BMF: variants seen among roughly 807,000 people sequenced by gnomAD.
The protein encoded by BMF is Bcl2 modifying factor.
A neutral mutation model predicts 22.0 loss-of-function variants in BMF; 10 were observed. That is an observed-to-expected ratio of 0.45 (90% CI 0.28 to 0.77). BMF has a LOEUF of 0.77. Among genes scored for constraint, BMF ranks in the 30% least tolerant of loss-of-function variants. The probability of loss-of-function intolerance (pLI) is 0.13; values close to 1 mark genes in which losing one functional copy is unlikely to be tolerated. For missense variants in BMF, 206 were observed against 226.8 expected (o/e 0.91, Z 0.59); for synonymous variants, 87 against 88.1 (o/e 0.99, Z 0.07).
In BMF at chr15:40,088,406, C is replaced by T. The variant is rs1033054353; in HGVS notation, c.*3381G>A. On this transcript the variant is annotated 3_prime_UTR_variant, in exon 5 of 5. Coordinates refer to ENST00000354670, the MANE Select transcript of BMF (RefSeq NM_001003940.2). ...AGAGTCCTCACCTTCACACACAGAG[C>T]TGTTTCCAGCCCAGGCCAGCACTGA... The T allele has an allele frequency of 1.3e-5, 2 of 152,394 alleles. No individual in the cohort carries two copies. The highest frequency in any genetic ancestry group is 4.8e-5 in the African/African-American group (2 of 41,474). The allele number at this position is 152,394 out of a possible 1,614,324, so 9.4% of individuals were successfully genotyped here.
chr15:40,100,928 G>C (rs919721348), intron 4 of BMF, among the ~76,000 whole-genome samples: 3 of 152,134 alleles, frequency 2.0e-5, no homozygotes, highest in Non-Finnish European at 4.4e-5. Context: ...CAGGACTATG[G>C]ACCAGTGGCC....
intron 3 of BMF, among the ~76,000 whole-genome samples, chr15:40,104,880 C>T (rs1387471695): frequency 6.6e-6 from 1 of 152,202 alleles, no homozygotes; most frequent in East Asian, 1.9e-4. Context: ...ACAGAGCTGC[C>T]AAGTTGCTCT....
chr15:40,093,604 G>A lies in BMF; in HGVS notation c.454-1716C>T, dbSNP rs149573727. ...CTCCTCCCCTCCCCAGCTGCTGACC[G>A]AGACAGGTGCAGAGGTCATGTGGCC... On this transcript the variant is annotated intron_variant, in intron 4 of 4. Coordinates refer to ENST00000354670, the MANE Select transcript of BMF (RefSeq NM_001003940.2). Among the ~76,000 whole-genome samples the A allele has an allele frequency of 1.7e-3, 264 of 152,308 alleles. 1 individual carries two copies. The highest frequency in any genetic ancestry group is 2.5e-3 in the Admixed American group (39 of 15,306).
chr15:40,092,867 G>C (rs970325196), intron 4 of BMF, among the ~76,000 whole-genome samples: 2 of 152,034 alleles, frequency 1.3e-5, no homozygotes, highest in African/African-American at 2.4e-5. Context: ...CTGGGCGGGG[G>C]CCTCTCCACA....
rs1017433664 is a variant in BMF at position 40,090,865 on chromosome 15, C to G, written c.*922G>C. 3 of 152,304 alleles carry G rather than the reference C, an allele frequency of 2.0e-5. No individual in the cohort carries two copies. Among genetic ancestry groups the G allele is most frequent in the African/African-American group, 4.8e-5 (2 of 41,454 alleles). The allele number at this position is 152,304 out of a possible 1,614,324, so 9.4% of individuals were successfully genotyped here. A position where few individuals can be genotyped will look rare whatever the true frequency, so the allele number is the denominator to read the frequency against. On this transcript the variant is annotated 3_prime_UTR_variant, in exon 5 of 5. Transcript: ENST00000354670. ...TTCCGGCCCCACTGCAAACTTGCCCCCGATGTCCCTCAGTGCCGATGTTGG... is the reference window on the plus strand; with the variant it reads ...TTCCGGCCCCACTGCAAACTTGCCCGCGATGTCCCTCAGTGCCGATGTTGG...
At position 40,091,819 on chromosome 15, in the gene BMF, C is replaced by T; in HGVS notation, c.523G>A (p.Glu175Lys). 2 of 1,610,978 alleles carry T rather than the reference C, an allele frequency of 1.2e-6. No individual in the cohort carries two copies. Among genetic ancestry groups the T allele is most frequent in the Non-Finnish European group, 1.7e-6 (2 of 1,178,972 alleles). Reference protein sequence around the residue: ...LFLHNLALNGEENRNGAGPR With the variant: ...LFLHNLALNGKENRNGAGPR ...GGGCCTGCCCCGTTCCTGTTCTCTT[C>T]TCCATTCAAAGCAAGGTTGTGCAGG... The change falls in exon 5 of 5, where the codon GAA becomes AAA. Residue 175 changes from glutamate to lysine, a missense_variant. Transcript: ENST00000354670.
chr15:40,100,544 C>T (rs1291342790), intron 4 of BMF, among the ~76,000 whole-genome samples: 1 of 152,240 alleles, frequency 6.6e-6, no homozygotes, highest in Non-Finnish European at 1.5e-5. Flanking sequence ...CTCCAACTCT[C>T]TTGCTGCTTT....
At chr15:40,096,790 A>C (rs1208750251) in intron 4 of BMF, among the ~76,000 whole-genome samples, 3 of 152,242 alleles carry the variant, frequency 2.0e-5, no homozygotes, top group Non-Finnish European at 4.4e-5. Flanking sequence ...CCAGATCATT[A>C]ACTATTTAGT....
At chr15:40,098,873 G>C (rs528371032) in intron 4 of BMF, among the ~76,000 whole-genome samples, 1 of 152,318 alleles carries the variant, frequency 6.6e-6, no homozygotes, top group Non-Finnish European at 1.5e-5. Context: ...CAGGTGCAGA[G>C]TGTGTGGGGA....
rs992042323 is a variant in BMF at position 40,091,629 on chromosome 15, A to C, written c.*158T>G. On this transcript the variant is annotated 3_prime_UTR_variant, in exon 5 of 5. Transcript: ENST00000354670. ...TGACAGAGAAAGAAGGTCCCGCTTG[A>C]GTATGTTGTATGTACACTCAGAGAG... The C allele has an allele frequency of 3.3e-6, 2 of 600,128 alleles. No homozygotes were observed. Among genetic ancestry groups the C allele is most frequent in the African/African-American group, 3.7e-5 (2 of 53,876 alleles). 37.2% of individuals were successfully genotyped at this position (600,128 alleles called of 1,614,324 possible). A position where few individuals can be genotyped will look rare whatever the true frequency, so the allele number is the denominator to read the frequency against.
chr15:40,094,742 G>C lies in BMF; in HGVS notation c.454-2854C>G, dbSNP rs575285877. ...CAAGCTCCCTTGGTGACATTTTAGA[G>C]ATCAGAAATCATTTATTGTATATTT... On this transcript the variant is annotated intron_variant, in intron 4 of 4. Coordinates refer to ENST00000354670, the MANE Select transcript of BMF (RefSeq NM_001003940.2). 9.1e-4 allele frequency among the ~76,000 whole-genome samples: 139 copies of C among 152,322 alleles called. 1 individual carries two copies. The highest frequency in any genetic ancestry group is 3.1e-3 in the African/African-American group (130 of 41,574).
At chr15:40,093,572 A>AC (rs1477654868) in intron 4 of BMF, among the ~76,000 whole-genome samples, 2 of 151,944 alleles carry the variant, frequency 1.3e-5, no homozygotes, top group African/African-American at 4.8e-5. Context: ...TGGGCCAAAG[A>AC]CCCCCTCTCC....
chr15:40,095,531 C>A (rs987072707), intron 4 of BMF, among the ~76,000 whole-genome samples: 1 of 152,204 alleles, frequency 6.6e-6, no homozygotes, highest in Non-Finnish European at 1.5e-5. Flanking sequence ...ACCCAGCGCA[C>A]AATCTGAGAT....
intron 4 of BMF, among the ~76,000 whole-genome samples, chr15:40,099,780 C>CAAAAA (rs747996690): frequency 4.7e-5 from 3 of 64,372 alleles, no homozygotes; most frequent in Admixed American, 1.7e-4. Flanking sequence ...GCTGTCTCAC[C>CAAAAA]AAAAAAAAAA....
chr15:40,094,450 T>G (rs1796579914), intron 4 of BMF, among the ~76,000 whole-genome samples: 1 of 152,118 alleles, frequency 6.6e-6, no homozygotes. Context: ...GCTCATGAAT[T>G]GGTAAGGAAG....
intron 4 of BMF, 24 bp from the exon 5 acceptor site, chr15:40,091,912 A>T: frequency 6.9e-7 from 1 of 1,448,878 alleles, no homozygotes; most frequent in African/African-American, 1.4e-5. Flanking sequence ...AAAAAAAAAG[A>T]CCAACATAAC....
At chr15:40,099,860 G>A (rs371712062) in intron 4 of BMF, among the ~76,000 whole-genome samples, 1 of 151,582 alleles carries the variant, frequency 6.6e-6, no homozygotes, top group Non-Finnish European at 1.5e-5. Flanking sequence ...TGGCAGAGCT[G>A]GGATTTTAAC....
At chr15:40,093,354 C>T (rs551075602) in intron 4 of BMF, among the ~76,000 whole-genome samples, 1 of 152,356 alleles carries the variant, frequency 6.6e-6, no homozygotes, top group South Asian at 2.1e-4. Flanking sequence ...GCTGGAGGCG[C>T]AGCTCCTGCC....
intron 4 of BMF, among the ~76,000 whole-genome samples, chr15:40,098,873 G>A (rs528371032): frequency 6.6e-6 from 1 of 152,200 alleles, no homozygotes; most frequent in Non-Finnish European, 1.5e-5. Flanking sequence ...CAGGTGCAGA[G>A]TGTGTGGGGA....
Sources: allele counts gnomAD v4.1 joint callset (sites outside exome capture counted in the v4.1 genomes callset), GRCh38; gene constraint gnomAD v4.1.1; transcripts MANE v1.5; gene names NCBI Gene and HGNC (gene_info 2026-07-23, HGNC 2026-07-21).